PTPRT: variants seen among roughly 807,000 people sequenced by gnomAD.
PTPRT encodes the protein receptor-type tyrosine-protein phosphatase T.
A neutral mutation model predicts 176.8 loss-of-function variants in PTPRT; 56 were observed. The observed-to-expected ratio is 0.32, with a 90% CI of 0.26 to 0.40. The LOEUF is 0.40. Among genes scored for constraint, PTPRT ranks in the 10% least tolerant of loss-of-function variants. The pLI is 1.00. For missense variants in PTPRT, 1,540 were observed against 1,908.2 expected (o/e 0.81, Z 3.60); for synonymous variants, 783 against 739.0 (o/e 1.06, Z -0.96).
intron 16 of PTPRT, among the ~76,000 whole-genome samples, chr20:42,182,840 C>CATTG (rs947131399): frequency 1.3e-5 from 2 of 151,824 alleles, no homozygotes; most frequent in Admixed American, 1.3e-4. Context: ...TTCTCTCTAC[C>CATTG]ATTGCTTCAT....
chr20:42,798,041 A>G (rs1322564649), intron 2 of PTPRT, among the ~76,000 whole-genome samples: 1 of 152,220 alleles, frequency 6.6e-6, no homozygotes, highest in Non-Finnish European at 1.5e-5. Context: ...AATTTGTTAC[A>G]GCAGCAATAG....
intron 22 of PTPRT, among the ~76,000 whole-genome samples, chr20:42,112,807 G>GCAGA (rs1310358415): frequency 3.3e-5 from 5 of 152,218 alleles, no homozygotes; most frequent in African/African-American, 1.2e-4. Flanking sequence ...AGGACTAGAG[G>GCAGA]CAGACAGTCC....
At position 42,648,881 on chromosome 20, in the gene PTPRT, T is replaced by C. The variant is rs1452939476; in HGVS notation, c.1153+28985A>G. 1.3e-4 allele frequency among the ~76,000 whole-genome samples: 19 copies of C among 146,228 alleles called. No homozygotes were observed. The South Asian group carries it at 4.3e-3, about 33-fold the overall frequency. On this transcript the variant is annotated intron_variant, in intron 7 of 30. Coordinates refer to ENST00000373187, the MANE Select transcript of PTPRT (RefSeq NM_007050.6). Reference sequence around the variant, plus strand: ...TCGCCCAGGCTGGAGTGCAGTGGTGTAATCTCAGCTCACTGCAAGCTCTGC... The same window carrying C: ...TCGCCCAGGCTGGAGTGCAGTGGTGCAATCTCAGCTCACTGCAAGCTCTGC...
intron 7 of PTPRT, among the ~76,000 whole-genome samples, chr20:42,599,043 G>T (rs1244757068): frequency 6.6e-6 from 1 of 152,178 alleles, no homozygotes; most frequent in Non-Finnish European, 1.5e-5. Context: ...TGGAGGCAGG[G>T]AGACAAGATG....
chr20:42,311,559 T>G (rs2057629648), intron 12 of PTPRT, among the ~76,000 whole-genome samples: 1 of 152,214 alleles, frequency 6.6e-6, no homozygotes, highest in Non-Finnish European at 1.5e-5. Context: ...TCCTTTCACT[T>G]GAGGTTAATA....
At chr20:42,426,302 G>C (rs984882612) in intron 9 of PTPRT, among the ~76,000 whole-genome samples, 6 of 152,100 alleles carry the variant, frequency 3.9e-5, no homozygotes, top group African/African-American at 1.4e-4. Context: ...GAATGGCATG[G>C]CAGAGGAGAG....
At chr20:42,459,064 T>C (rs2070972766) in intron 8 of PTPRT, among the ~76,000 whole-genome samples, 4 of 152,124 alleles carry the variant, frequency 2.6e-5, no homozygotes, top group Admixed American at 2.0e-4. Context: ...CAGTTTTTAA[T>C]AGAATGGTCT....
At chr20:43,122,019 C>T (rs1406943097) in intron 1 of PTPRT, among the ~76,000 whole-genome samples, 1 of 152,148 alleles carries the variant, frequency 6.6e-6, no homozygotes, top group Non-Finnish European at 1.5e-5. Flanking sequence ...TCTTGATCAC[C>T]TAGCTATTCC....
chr20:42,623,901 T>G (rs1355208056), intron 7 of PTPRT, among the ~76,000 whole-genome samples: 1 of 151,872 alleles, frequency 6.6e-6, no homozygotes, highest in African/African-American at 2.4e-5. Context: ...GCAACCAGCC[T>G]CACCAAACAG....
At chr20:42,399,080 C>T (rs903291512) in intron 9 of PTPRT, among the ~76,000 whole-genome samples, 1 of 152,234 alleles carries the variant, frequency 6.6e-6, no homozygotes, top group Non-Finnish European at 1.5e-5. Context: ...TCAGTCAAGG[C>T]GTTTGAAAAC....
At chr20:42,257,869 C>T (rs1164918142) in intron 13 of PTPRT, among the ~76,000 whole-genome samples, 1 of 151,828 alleles carries the variant, frequency 6.6e-6, no homozygotes, top group Admixed American at 6.6e-5. Context: ...TGAACTAATA[C>T]ACCTATGAAG....
chr20:42,918,225 G>A (rs1221613476), intron 1 of PTPRT, among the ~76,000 whole-genome samples: 1 of 152,038 alleles, frequency 6.6e-6, no homozygotes, highest in Non-Finnish European at 1.5e-5. Context: ...GGTAAGTCAG[G>A]GCAGAGCTGC....
At chr20:42,252,531 G>A (rs1297477313) in intron 13 of PTPRT, among the ~76,000 whole-genome samples, 4 of 152,250 alleles carry the variant, frequency 2.6e-5, no homozygotes, top group Middle Eastern at 6.8e-3. Context: ...AAGTAAACCT[G>A]GGAGAGTGTA....
At chr20:42,620,849 C>G (rs1256258411) in intron 7 of PTPRT, among the ~76,000 whole-genome samples, 3 of 152,174 alleles carry the variant, frequency 2.0e-5, no homozygotes, top group Admixed American at 1.3e-4. Context: ...CTGGCACTCC[C>G]TAGTGAGATA....
chr20:42,918,204 C>T (rs950769328), intron 1 of PTPRT, among the ~76,000 whole-genome samples: 9 of 152,142 alleles, frequency 5.9e-5, no homozygotes, highest in Non-Finnish European at 1.0e-4. Flanking sequence ...GTTCATGCAA[C>T]ACAGTGGGTG....
chr20:42,882,967 C>G (rs2079030714), intron 2 of PTPRT, among the ~76,000 whole-genome samples: 1 of 152,180 alleles, frequency 6.6e-6, no homozygotes, highest in African/African-American at 2.4e-5. Flanking sequence ...TCAGAACATT[C>G]TGGCAATTGG....
chr20:42,267,720 G>T (rs1017298553), intron 13 of PTPRT, among the ~76,000 whole-genome samples: 1 of 152,094 alleles, frequency 6.6e-6, no homozygotes, highest in Admixed American at 6.6e-5. Context: ...CCCCAACAAA[G>T]AACTATCTGG....
intron 1 of PTPRT, among the ~76,000 whole-genome samples, chr20:43,055,173 C>T (rs1171490643): frequency 2.6e-5 from 4 of 152,166 alleles, no homozygotes; most frequent in Admixed American, 2.6e-4. Flanking sequence ...TCTTAATGAG[C>T]ATCCAAGTTG....
At chr20:42,889,559 C>A (rs1048742856) in intron 1 of PTPRT, among the ~76,000 whole-genome samples, 5 of 152,168 alleles carry the variant, frequency 3.3e-5, no homozygotes, top group African/African-American at 4.8e-5. Flanking sequence ...ACTCTGGGGA[C>A]CTTAATGTCC....
Sources: gnomAD v4.1 joint callset for allele counts (sites outside exome capture counted in the v4.1 genomes callset) on GRCh38, gnomAD v4.1.1 for gene constraint, MANE v1.5 for transcripts, NCBI Gene and HGNC (gene_info 2026-07-23, HGNC 2026-07-21) for gene names.